Variants in CCDC102A observed in about 807,000 individuals in gnomAD.
The protein encoded by CCDC102A is coiled-coil domain-containing protein 102A.
Under a neutral mutation model 55.5 loss-of-function variants are expected in CCDC102A, and 40 were observed. The ratio of observed to expected loss-of-function variants is 0.72; its 90% CI spans 0.56 to 0.94. The LOEUF (loss-of-function observed/expected upper bound fraction) is 0.94. CCDC102A is among the 40% of genes least tolerant of loss of function. The pLI is 0.00. For missense variants in CCDC102A, 779 were observed against 768.6 expected, an observed-to-expected ratio of 1.01 and a Z score of -0.16; for synonymous variants, 323 against 339.0, an observed-to-expected ratio of 0.95 and a Z score of 0.52.
intron 1 of CCDC102A, among the ~76,000 whole-genome samples, chr16:57,534,689 A>G (rs1290965249): frequency 6.6e-6 from 1 of 152,006 alleles, no homozygotes; most frequent in East Asian, 1.9e-4. Flanking sequence ...AGGTGGTACC[A>G]CTCTTAGGGG....
At chr16:57,530,124 G>T (rs1332465357) in intron 1 of CCDC102A, among the ~76,000 whole-genome samples, 2 of 152,114 alleles carry the variant, frequency 1.3e-5, no homozygotes, top group African/African-American at 4.8e-5. Context: ...TCCTCAGATG[G>T]AAAGGGCTTC....
At chr16:57,530,041 G>A (rs1430458008) in intron 1 of CCDC102A, among the ~76,000 whole-genome samples, 1 of 152,200 alleles carries the variant, frequency 6.6e-6, no homozygotes, top group Non-Finnish European at 1.5e-5. Context: ...GTATCTATGA[G>A]TACAAATTCA....
chr16:57,520,879 G>A (rs1432884652), intron 4 of CCDC102A, among the ~76,000 whole-genome samples, 189 bp downstream of exon 4: 1 of 150,784 alleles, frequency 6.6e-6, no homozygotes, highest in African/African-American at 2.4e-5. Flanking sequence ...GGTGGAGGTT[G>A]CAGTGAGCCA....
chr16:57,531,633 G>A (rs2032265390), intron 1 of CCDC102A, among the ~76,000 whole-genome samples: 1 of 151,966 alleles, frequency 6.6e-6, no homozygotes, highest in Admixed American at 6.6e-5. Context: ...CAATTCTAAG[G>A]TTACTCCCTC....
chr16:57,536,829 G>T (rs536939596), upstream of CCDC102A, among the ~76,000 whole-genome samples: 8 of 152,116 alleles, frequency 5.3e-5, no homozygotes, highest in South Asian at 8.3e-4. Flanking sequence ...CGAGAGTTGC[G>T]GGGGGGCTCG....
chr16:57,522,421 T>C (rs72791628), intron 3 of CCDC102A, among the ~76,000 whole-genome samples: 11,982 of 152,152 alleles, frequency 0.079, 609 homozygotes, highest in East Asian at 0.19. Context: ...TACCCCAGGC[T>C]CATCTCTTAA....
At chr16:57,513,569 T>A (rs2031902733) in intron 8 of CCDC102A, among the ~76,000 whole-genome samples, 1 of 152,206 alleles carries the variant, frequency 6.6e-6, no homozygotes, top group Non-Finnish European at 1.5e-5. Flanking sequence ...GACACAGCGG[T>A]CCTGGGTGGC....
At chr16:57,515,289 G>A in intron 8 of CCDC102A, 52 bp downstream of exon 8, 3 of 1,174,424 alleles carry the variant, frequency 2.6e-6, no homozygotes, top group Non-Finnish European at 3.7e-6. Context: ...TGACCGGAGG[G>A]TTCCCTGGCT....
In CCDC102A at chr16:57,529,154, C is replaced by T; in HGVS notation, c.24G>A (p.Arg8=). The part of the protein sequence containing the change: MSHGPSP[R]LAESPQLSKG... ...TGGACAGCTGCGGGGACTCGGCCAG[C>T]CGGGGGCTGGGCCCGTGGCTCATGG... The change falls in exon 2 of 9, where the codon CGG becomes CGA. Residue 8 remains arginine (R), a synonymous_variant. Coordinates refer to ENST00000258214, the MANE Select transcript of CCDC102A (RefSeq NM_033212.4). The surrounding 1 kb of genome is among the most constrained non-coding windows in gnomAD (Gnocchi z 4.1). 8.4e-7 allele frequency: 1 copy of T among 1,184,698 alleles called. No individual in the cohort carries two copies. The highest frequency in any genetic ancestry group is 1.0e-6 in the Non-Finnish European group (1 of 957,184). The allele number at this position is 1,184,698 out of a possible 1,614,324, so 73.4% of individuals were successfully genotyped here. A position where few individuals can be genotyped will look rare whatever the true frequency, so the allele number is the denominator to read the frequency against.
rs1319618131 is a variant in CCDC102A at position 57,529,223 on chromosome 16, G to C, written c.-46C>G. ...GAGCTCGAACTCGCGGTCGGGCTCA[G>C]GGGCGGCTCCGGGGACGCGCGGCGG... On this transcript the variant is annotated 5_prime_UTR_variant, in exon 2 of 9. Coordinates refer to ENST00000258214, the MANE Select transcript of CCDC102A (RefSeq NM_033212.4). The surrounding 1 kb of genome is among the most constrained non-coding windows in gnomAD (Gnocchi z 4.1). The C allele has an allele frequency of 8.7e-7, 1 of 1,149,504 alleles. No individual in the cohort carries two copies. Among genetic ancestry groups the C allele is most frequent in the Non-Finnish European group, 1.1e-6 (1 of 933,970 alleles). The allele number at this position is 1,149,504 out of a possible 1,614,324, so 71.2% of individuals were successfully genotyped here. A position where few individuals can be genotyped will look rare whatever the true frequency, so the allele number is the denominator to read the frequency against.
In CCDC102A at chr16:57,518,182, C is replaced by A. The variant is rs767007002; in HGVS notation, c.1134G>T (p.Leu378=). The change falls in exon 6 of 9, where the codon CTG becomes CTT. Residue 378 remains leucine (L), a synonymous_variant. Coordinates refer to ENST00000258214, the MANE Select transcript of CCDC102A (RefSeq NM_033212.4). ...CCTCCAGGTCTCCGACCTGTGCCCG[C>A]AGCTTCTTGTTCTCCCGCTCAAGGC... The part of the protein sequence containing the change: ...KLGLERENKK[L]RAQVGDLEEA... 2.5e-6 allele frequency: 4 copies of A among 1,612,580 alleles called. No individual in the cohort carries two copies. The African/African-American group carries it at 5.3e-5, about 22-fold the overall frequency.
chr16:57,517,673 C>T (rs746854372), intron 6 of CCDC102A, among the ~76,000 whole-genome samples: 5 of 152,154 alleles, frequency 3.3e-5, no homozygotes, highest in African/African-American at 7.2e-5. Context: ...TCACTGCCTC[C>T]GGGAGGTATT....
intron 3 of CCDC102A, among the ~76,000 whole-genome samples, chr16:57,522,972 G>C (rs755071304): frequency 1.3e-5 from 2 of 152,224 alleles, no homozygotes; most frequent in Non-Finnish European, 2.9e-5. Context: ...TTCGAGAGCA[G>C]CCTGGGCAAC....
chr16:57,528,915 G>A lies in CCDC102A; in HGVS notation c.263C>T (p.Ala88Val), dbSNP rs746571621. 25 of 1,402,784 alleles carry A rather than the reference G, an allele frequency of 1.8e-5. No homozygotes were observed. Among genetic ancestry groups the A allele is most frequent in the Non-Finnish European group, 2.2e-5 (24 of 1,069,852 alleles). 86.9% of individuals were successfully genotyped at this position (1,402,784 alleles called of 1,614,324 possible). ...RELEEARARA[A>V]QMEKTMRRWS... ...CCGGCGCATGGTCTTCTCCATCTGC[G>A]CCGCCCGCGCCCGCGCCTCCTCCAG... The change falls in exon 2 of 9, where the codon GCG (alanine) becomes GTG (valine). Residue 88 changes from alanine (A) to valine (V), a missense_variant. Coordinates refer to ENST00000258214, the MANE Select transcript of CCDC102A (RefSeq NM_033212.4).
At chr16:57,520,536 A>AATACATAACATAAC (rs1332600749) in intron 4 of CCDC102A, among the ~76,000 whole-genome samples, 7 of 124,712 alleles carry the variant, frequency 5.6e-5, no homozygotes, top group African/African-American at 1.7e-4. Context: ...ACTCAGAAAA[A>AATACATAACATAAC]ATAACATAAC....
At chr16:57,531,037 C>T (rs1323073423) in intron 1 of CCDC102A, among the ~76,000 whole-genome samples, 2 of 151,936 alleles carry the variant, frequency 1.3e-5, no homozygotes, top group East Asian at 1.9e-4. Context: ...GCTTATCCCT[C>T]GAATGCGGCT....
At chr16:57,534,036 G>T (rs12924648) in intron 1 of CCDC102A, among the ~76,000 whole-genome samples, 56,545 of 151,974 alleles carry the variant, frequency 0.37, 10,874 homozygotes, top group African/African-American at 0.46. Flanking sequence ...AGCCAGACAG[G>T]TCTATTACTG....
At chr16:57,536,644 G>A (rs1473117623), upstream of CCDC102A, 3 of 152,172 alleles carry the variant, frequency 2.0e-5, no homozygotes, top group Non-Finnish European at 4.4e-5. Flanking sequence ...GAAGCAGGGG[G>A]AGCGGCGGGG....
chr16:57,525,922 T>C lies in CCDC102A; in HGVS notation c.791A>G (p.Lys264Arg), dbSNP rs746804528. The C allele has an allele frequency of 3.0e-5, 49 of 1,612,364 alleles. No homozygotes were observed. Among genetic ancestry groups the C allele is most frequent in the Non-Finnish European group, 3.7e-5 (44 of 1,179,514 alleles). The change falls in exon 3 of 9, where the codon AAG becomes AGG. Residue 264 changes from lysine to arginine, a missense_variant. Physicochemically the swap from Lys to Arg is conservative, Grantham distance 26. Coordinates refer to ENST00000258214, the MANE Select transcript of CCDC102A (RefSeq NM_033212.4). ...ALRLRLDESQ[K>R]VLLKEREDKL... ...TCACTCTCGCTCCTTGAGCAGCACC[T>C]TCTGGGACTCATCCAGCCGTAGCCG...
Sources: gnomAD v4.1 joint callset for allele counts (sites outside exome capture counted in the v4.1 genomes callset) on GRCh38, gnomAD v4.1.1 for gene constraint, Gnocchi (gnomAD v3.1) non-coding constraint, MANE v1.5 for transcripts, NCBI Gene and HGNC (gene_info 2026-07-23, HGNC 2026-07-21) for gene names.